Variants in ANKIB1 observed in about 807,000 individuals in gnomAD.
The protein encoded by ANKIB1 is ankyrin repeat and IBR domain containing 1, also known as ankyrin repeat and IBR domain-containing protein 1.
ANKIB1 carries 43 observed loss-of-function variants against 122.1 expected under a neutral mutation model. That is an observed-to-expected ratio of 0.35 (90% CI 0.28 to 0.45). The LOEUF is 0.45. ANKIB1 is among the 20% of genes least tolerant of loss of function. The probability of loss-of-function intolerance (pLI) is 1.00; values close to 1 mark genes in which losing one functional copy is unlikely to be tolerated. For synonymous variants in ANKIB1, 390 were observed against 442.0 expected (o/e 0.88, Z 1.48); for missense variants, 992 against 1,329.5 (o/e 0.75, Z 3.95).
intron 1 of ANKIB1, among the ~76,000 whole-genome samples, chr7:92,256,905 G>A (rs1181102639): frequency 6.6e-6 from 1 of 152,140 alleles, no homozygotes; most frequent in African/African-American, 2.4e-5. Flanking sequence ...GTCACAAGGG[G>A]CTGGCCAGGC....
intron 11 of ANKIB1, among the ~76,000 whole-genome samples, chr7:92,386,161 G>T (rs1480665401): frequency 6.6e-6 from 1 of 152,162 alleles, no homozygotes; most frequent in African/African-American, 2.4e-5. Context: ...TTTTCAGATA[G>T]ACTGGTGGAG....
At chr7:92,323,010 A>G (rs1234969418) in intron 4 of ANKIB1, among the ~76,000 whole-genome samples, 2 of 152,204 alleles carry the variant, frequency 1.3e-5, no homozygotes, top group Non-Finnish European at 2.9e-5. Flanking sequence ...TAATATATGT[A>G]TAAGCTTTGA....
At chr7:92,383,464 C>T (rs1407200274) in intron 11 of ANKIB1, among the ~76,000 whole-genome samples, 1 of 152,176 alleles carries the variant, frequency 6.6e-6, no homozygotes, top group Non-Finnish European at 1.5e-5. Flanking sequence ...ACTGATATCC[C>T]TGATGAACAT....
At chr7:92,260,013 C>G (rs1801527333) in intron 1 of ANKIB1, among the ~76,000 whole-genome samples, 1 of 152,186 alleles carries the variant, frequency 6.6e-6, no homozygotes, top group Admixed American at 6.5e-5. Flanking sequence ...TGATCTGCTT[C>G]TAGCCTTTCT....
At chr7:92,247,218 T>TC (rs2131861095) in intron 1 of ANKIB1, among the ~76,000 whole-genome samples, 1 of 152,346 alleles carries the variant, frequency 6.6e-6, no homozygotes, top group African/African-American at 2.4e-5. Flanking sequence ...TACTGGTAGA[T>TC]CTGACAGATA....
At chr7:92,294,649 C>CT in intron 1 of ANKIB1, 1 of 382,828 alleles carries the variant, frequency 2.6e-6, no homozygotes, top group Non-Finnish European at 4.6e-6. Flanking sequence ...ATCCGAAGGA[C>CT]TGCCTGTGAA....
Position 92,331,040 on chromosome 7 carries a change from A to G in ANKIB1, c.787+3140A>G, listed in dbSNP as rs997568909. 2.0e-4 allele frequency among the ~76,000 whole-genome samples: 30 copies of G among 152,228 alleles called. 1 individual carries two copies. The highest frequency in any genetic ancestry group is 4.1e-4 in the South Asian group (2 of 4,822). ...AATGCAAGGTCTGCATTTAAATATAATGTAGAGCTGGCAGAAAAGTAGAAG... is the reference window on the plus strand; with the variant it reads ...AATGCAAGGTCTGCATTTAAATATAGTGTAGAGCTGGCAGAAAAGTAGAAG... On this transcript the variant is annotated intron_variant, in intron 5 of 19. Transcript: ENST00000265742.
chr7:92,394,020 G>T (rs1053502915), intron 17 of ANKIB1, among the ~76,000 whole-genome samples: 2 of 151,976 alleles, frequency 1.3e-5, no homozygotes, highest in Admixed American at 6.6e-5. Context: ...AAGCATAAAG[G>T]TTTGTTTTAT....
rs774327474 is a variant in ANKIB1 at position 92,246,382 on chromosome 7, G to T, written c.-228G>T. On this transcript the variant is annotated 5_prime_UTR_variant, in exon 1 of 20. Transcript: ENST00000265742. ...TGGCGGGTGCACCCGGGCCGGCGAG[G>T]AAGGGGCAACCGTCCGGGTGGGTGG... 11 of 479,206 alleles carry T rather than the reference G, an allele frequency of 2.3e-5. No homozygotes were observed. The highest frequency in any genetic ancestry group is 3.7e-5 in the Non-Finnish European group (9 of 242,670). The allele number at this position is 479,206 out of a possible 1,614,324, so 29.7% of individuals were successfully genotyped here.
chr7:92,259,319 T>C (rs1801512955), intron 1 of ANKIB1, among the ~76,000 whole-genome samples: 3 of 152,198 alleles, frequency 2.0e-5, no homozygotes, highest in African/African-American at 7.2e-5. Context: ...ACCTAAAAGT[T>C]GTGTAGTATT....
intron 7 of ANKIB1, among the ~76,000 whole-genome samples, chr7:92,348,637 GC>G (rs996276570): frequency 1.3e-5 from 2 of 152,134 alleles, no homozygotes; most frequent in African/African-American, 2.4e-5. Flanking sequence ...GCCTACCTCG[GC>G]CTCCCAAAGC....
chr7:92,276,412 T>C (rs1801906188), intron 1 of ANKIB1, among the ~76,000 whole-genome samples: 1 of 152,244 alleles, frequency 6.6e-6, no homozygotes, highest in African/African-American at 2.4e-5. Context: ...GTCTCCACTA[T>C]GGAAACCTTA....
intron 1 of ANKIB1, among the ~76,000 whole-genome samples, chr7:92,276,256 G>C (rs1801902706): frequency 6.6e-6 from 1 of 152,148 alleles, no homozygotes; most frequent in African/African-American, 2.4e-5. Flanking sequence ...GTTCCAAGTT[G>C]TACCTCCACC....
intron 12 of ANKIB1, among the ~76,000 whole-genome samples, chr7:92,386,926 A>G (rs1318710627): frequency 6.6e-6 from 1 of 152,162 alleles, no homozygotes; most frequent in African/African-American, 2.4e-5. Context: ...TCAACAATGC[A>G]GTATTACATT....
At chr7:92,262,297 C>T in intron 1 of ANKIB1, among the ~76,000 whole-genome samples, 1 of 152,122 alleles carries the variant, frequency 6.6e-6, no homozygotes, top group East Asian at 1.9e-4. Flanking sequence ...CATATCCAAG[C>T]CAGGACTTGA....
At chr7:92,340,886 C>A (rs1180402642) in intron 5 of ANKIB1, among the ~76,000 whole-genome samples, 2 of 152,174 alleles carry the variant, frequency 1.3e-5, no homozygotes, top group Admixed American at 6.5e-5. Flanking sequence ...TTGAATACAT[C>A]CATTGTGAAG....
Position 92,387,870 on chromosome 7 carries a change from G to T in ANKIB1, c.1825G>T (p.Glu609Ter). Reference protein sequence around the residue: ...MHYYTRFKNHEHSYQLEQRLL... With the variant: ...MHYYTRFKNH ...CTATTATACAAGATTTAAAAACCAT[G>T]AGCATAGTTATCAGGTATGTCCCAA... Residue 609 changes from glutamate (E) to a stop codon, truncating the protein, a stop_gained, in exon 13 of 20, where the codon GAG becomes TAG. Coordinates refer to ENST00000265742, the MANE Select transcript of ANKIB1 (RefSeq NM_019004.2). LOFTEE classifies it high-confidence loss of function. 1 of 1,612,454 alleles carries T rather than the reference G, an allele frequency of 6.2e-7. No homozygotes were observed. Among genetic ancestry groups the T allele is most frequent in the South Asian group, 1.1e-5 (1 of 90,746 alleles).
chr7:92,260,817 T>C (rs961740842), intron 1 of ANKIB1, among the ~76,000 whole-genome samples: 1 of 152,238 alleles, frequency 6.6e-6, no homozygotes, highest in Non-Finnish European at 1.5e-5. Context: ...ATTTTGTTCC[T>C]GCTGCATTCC....
At chr7:92,298,325 A>G (rs1802396189) in intron 2 of ANKIB1, among the ~76,000 whole-genome samples, 1 of 151,956 alleles carries the variant, frequency 6.6e-6, no homozygotes, top group Non-Finnish European at 1.5e-5. Flanking sequence ...CTTCAGTAAT[A>G]TTTAATATCA....
Sources: gnomAD v4.1 joint callset for allele counts (sites outside exome capture counted in the v4.1 genomes callset) on GRCh38, gnomAD v4.1.1 for gene constraint, MANE v1.5 for transcripts, NCBI Gene and HGNC (gene_info 2026-07-23, HGNC 2026-07-21) for gene names.